NFIB: variants seen among roughly 807,000 people sequenced by gnomAD.
NFIB encodes the protein nuclear factor I B, also known as nuclear factor 1 B-type.
NFIB carries 11 observed loss-of-function variants against 61.5 expected under a neutral mutation model. The observed-to-expected ratio is 0.18, with a 90% CI of 0.11 to 0.30. The LOEUF (loss-of-function observed/expected upper bound fraction) is 0.30. Ranked by LOEUF, NFIB falls within the 10% of genes least tolerant of loss-of-function variation. NFIB has a pLI of 1.00. For synonymous variants in NFIB, 260 were observed against 216.5 expected (o/e 1.20, Z -1.76); for missense variants, 471 against 608.9 (o/e 0.77, Z 2.38).
chr9:14,217,660 C>CAAAAAAAAAAAAAAAAAAAAAAAAAAAAA (rs34055171), intron 2 of NFIB, among the ~76,000 whole-genome samples: 9 of 81,502 alleles, frequency 1.1e-4, no homozygotes, highest in East Asian at 5.4e-4. Flanking sequence ...AACTCCATCT[C>CAAAAAAAAAAAAAAAAAAAAAAAAAAAAA]AAAAAAAAAA....
chr9:14,142,091 T>G (rs2041794441), intron 6 of NFIB, among the ~76,000 whole-genome samples: 1 of 152,190 alleles, frequency 6.6e-6, no homozygotes, highest in South Asian at 2.1e-4. Context: ...GTTTTCAATG[T>G]TCAAGCATAC....
At chr9:14,389,065 T>G (rs1473669556) in intron 1 of NFIB, among the ~76,000 whole-genome samples, 1 of 152,208 alleles carries the variant, frequency 6.6e-6, no homozygotes, top group African/African-American at 2.4e-5. Flanking sequence ...GATCAAGAAC[T>G]GCAATATTAG....
At chr9:14,248,192 CTTCT>C (rs542407995) in intron 2 of NFIB, among the ~76,000 whole-genome samples, 258 of 151,214 alleles carry the variant, frequency 1.7e-3, no homozygotes, top group African/African-American at 5.9e-3. Flanking sequence ...CTCAGCTCTA[CTTCT>C]TTCTTTCTTT....
intron 2 of NFIB, among the ~76,000 whole-genome samples, chr9:14,189,953 C>A (rs1477212298): frequency 6.6e-6 from 1 of 152,006 alleles, no homozygotes; most frequent in Non-Finnish European, 1.5e-5. Context: ...GTTTCTACAA[C>A]CTCTCTACAA....
intron 10 of NFIB, among the ~76,000 whole-genome samples, chr9:14,090,694 C>T (rs147829932): frequency 0.013 from 2,051 of 152,116 alleles, 48 homozygotes; most frequent in African/African-American, 0.047. Context: ...GCAGATAATC[C>T]TTGACAGTAA....
At chr9:14,225,456 C>CAAAAAAAAAAAAAAAAAA (rs1228589594) in intron 2 of NFIB, among the ~76,000 whole-genome samples, 5 of 58,006 alleles carry the variant, frequency 8.6e-5, no homozygotes, top group African/African-American at 1.4e-4. Flanking sequence ...GACTCCGTCT[C>CAAAAAAAAAAAAAAAAAA]AAAAAAAAAA....
rs1480069175 is a variant in NFIB, at chr9:14,204,953, T to C, written c.563-25173A>G. 8 of 333,988 alleles carry C rather than the reference T, an allele frequency of 2.4e-5. No individual in the cohort carries two copies. In the East Asian group the frequency reaches 4.5e-4, roughly 19 times the overall value. The allele number at this position is 333,988 out of a possible 1,614,324, so 20.7% of individuals were successfully genotyped here. A position where few individuals can be genotyped will look rare whatever the true frequency, so the allele number is the denominator to read the frequency against. ...CAGAGCCAATGAGATCCGTCATCACTGGGGAGGCAATGTCCTGGGTCCCAA... is the reference window on the plus strand; with the variant it reads ...CAGAGCCAATGAGATCCGTCATCACCGGGGAGGCAATGTCCTGGGTCCCAA... On this transcript the variant is annotated intron_variant, in intron 2 of 10. Coordinates refer to ENST00000380953, the MANE Select transcript of NFIB (RefSeq NM_001190737.2).
chr9:14,502,402 C>T, the NFIB span, among the ~76,000 whole-genome samples: 2 of 152,146 alleles, frequency 1.3e-5, no homozygotes, highest in African/African-American at 4.8e-5. Context: ...TCTACTGATG[C>T]CTGAAAGTGA....
intron 1 of NFIB, among the ~76,000 whole-genome samples, chr9:14,309,605 G>A (rs1174285748): frequency 6.6e-6 from 1 of 152,200 alleles, no homozygotes; most frequent in Non-Finnish European, 1.5e-5. Context: ...TGTTCTTTGT[G>A]TGGGAAGGCA....
At chr9:14,350,551 G>A (rs1157672981) in intron 1 of NFIB, among the ~76,000 whole-genome samples, 7 of 152,048 alleles carry the variant, frequency 4.6e-5, no homozygotes, top group African/African-American at 1.7e-4. Flanking sequence ...CTGTTGGCAT[G>A]CTCTGATACC....
chr9:14,132,308 C>A (rs553359556), intron 6 of NFIB, among the ~76,000 whole-genome samples: 60 of 152,142 alleles, frequency 3.9e-4, no homozygotes, highest in Admixed American at 3.3e-3. Flanking sequence ...AATTGTCTTC[C>A]TTATTTACAT....
chr9:14,097,693 A>C (rs2035029971), intron 10 of NFIB, among the ~76,000 whole-genome samples: 1 of 152,066 alleles, frequency 6.6e-6, no homozygotes, highest in Admixed American at 6.6e-5. Flanking sequence ...ATGGTTTGCA[A>C]CCCATTATTG....
At chr9:14,279,181 A>G (rs2058205039) in intron 2 of NFIB, among the ~76,000 whole-genome samples, 1 of 152,186 alleles carries the variant, frequency 6.6e-6, no homozygotes, top group Non-Finnish European at 1.5e-5. Flanking sequence ...TACAGACGGC[A>G]AAACCGAAGC....
the NFIB span, among the ~76,000 whole-genome samples, chr9:14,508,564 G>A: frequency 6.6e-6 from 1 of 152,200 alleles, no homozygotes; most frequent in Non-Finnish European, 1.5e-5. Context: ...ATAAAGTCCA[G>A]GAACCACTGT....
chr9:14,390,609 C>G (rs2061608118), intron 1 of NFIB, among the ~76,000 whole-genome samples: 2 of 152,174 alleles, frequency 1.3e-5, no homozygotes, highest in Admixed American at 6.5e-5. Flanking sequence ...ACCTAATTCC[C>G]TGTGTGATGT....
At chr9:14,424,985 T>G in the NFIB span, among the ~76,000 whole-genome samples, 895 of 152,198 alleles carry the variant, frequency 5.9e-3, 4 homozygotes, top group Non-Finnish European at 0.01. Flanking sequence ...TCTCCCCCCC[T>G]GGGCCTTTGC....
chr9:14,225,776 G>GA (rs1001683518), intron 2 of NFIB, among the ~76,000 whole-genome samples: 6 of 151,740 alleles, frequency 4.0e-5, no homozygotes, highest in Non-Finnish European at 5.9e-5. Flanking sequence ...AGAGCCAAAA[G>GA]AAAAAAAATC....
At chr9:14,154,471 C>A (rs2043175562) in intron 4 of NFIB, among the ~76,000 whole-genome samples, 2 of 152,072 alleles carry the variant, frequency 1.3e-5, no homozygotes, top group African/African-American at 4.8e-5. Flanking sequence ...TATTTCTTCC[C>A]AAATTAAAAG....
Position 14,172,280 on chromosome 9 carries a change from A to G in NFIB, c.616+7447T>C, listed in dbSNP as rs73411980. Among the ~76,000 whole-genome samples, 406 of 152,328 alleles carry G rather than the reference A, an allele frequency of 2.7e-3. 1 individual carries two copies. The highest frequency in any genetic ancestry group is 9.2e-3 in the African/African-American group (383 of 41,574). ...TTAAAGGGGTTTGTCCAAATGAGGA[A>G]CAAAAGATGTATGTTTTAAAATAAG... On this transcript the variant is annotated intron_variant, in intron 3 of 10. Coordinates refer to ENST00000380953, the MANE Select transcript of NFIB (RefSeq NM_001190737.2).
Sources: allele counts gnomAD v4.1 joint callset (sites outside exome capture counted in the v4.1 genomes callset), GRCh38; gene constraint gnomAD v4.1.1; transcripts MANE v1.5; gene names NCBI Gene and HGNC (gene_info 2026-07-23, HGNC 2026-07-21).